Variants in LTBP1 observed in about 807,000 individuals in gnomAD.
The protein encoded by LTBP1 is latent transforming growth factor beta binding protein 1.
A neutral mutation model predicts 207.6 loss-of-function variants in LTBP1; 129 were observed. The ratio of observed to expected loss-of-function variants is 0.62; its 90% CI spans 0.54 to 0.72. LTBP1 has a LOEUF of 0.72. Among genes scored for constraint, LTBP1 ranks in the 30% least tolerant of loss-of-function variants. The probability of loss-of-function intolerance (pLI) is 0.00; values close to 1 mark genes in which losing one functional copy is unlikely to be tolerated. For missense variants in LTBP1, 2,281 were observed against 2,217.2 expected (o/e 1.03, Z -0.58); for synonymous variants, 963 against 833.7 (o/e 1.16, Z -2.67).
chr2:33,075,242 AAAT>A (rs1485439187), intron 3 of LTBP1, among the ~76,000 whole-genome samples: 1 of 152,206 alleles, frequency 6.6e-6, no homozygotes, highest in African/African-American at 2.4e-5. Context: ...TGTCAAGGAA[AAAT>A]TAGCTTTGAT....
chr2:33,352,970 C>CTTTTTTT (rs61357622), intron 26 of LTBP1, among the ~76,000 whole-genome samples: 6 of 93,216 alleles, frequency 6.4e-5, no homozygotes, highest in African/African-American at 1.4e-4. Flanking sequence ...GTAAGCCTTT[C>CTTTTTTT]TTTTTTTTTT....
chr2:33,146,197 G>C (rs373089275), intron 5 of LTBP1, among the ~76,000 whole-genome samples: 86 of 152,310 alleles, frequency 5.6e-4, no homozygotes, highest in African/African-American at 2.0e-3. Context: ...CTGCTGCAGT[G>C]GTGGCTGAGT....
intron 19 of LTBP1, among the ~76,000 whole-genome samples, chr2:33,282,638 G>C (rs1415215429): frequency 6.6e-6 from 1 of 152,140 alleles, no homozygotes; most frequent in Admixed American, 6.6e-5. Flanking sequence ...CCTTTCAGAA[G>C]GTGCAGTCTT....
chr2:33,063,404 C>T (rs2077358309), intron 3 of LTBP1, among the ~76,000 whole-genome samples: 1 of 152,106 alleles, frequency 6.6e-6, no homozygotes, highest in Non-Finnish European at 1.5e-5. Context: ...AATGCAGAAG[C>T]AGATAGGCAA....
intron 29 of LTBP1, 55 bp from the exon 30 acceptor site, chr2:33,364,161 A>T (rs746090824): frequency 1.7e-5 from 27 of 1,569,324 alleles, no homozygotes; most frequent in Non-Finnish European, 2.3e-5. Flanking sequence ...TGGGAAGTGT[A>T]TGAGGTACAA....
chr2:33,012,859 T>G (rs17569615), intron 2 of LTBP1, among the ~76,000 whole-genome samples: 6,805 of 152,352 alleles, frequency 0.045, 515 homozygotes, highest in East Asian at 0.28. Flanking sequence ...ATCATACATA[T>G]ATACTAGCAT....
At chr2:33,252,619 G>T in intron 10 of LTBP1, 58 bp from the exon 11 acceptor site, 1 of 1,480,686 alleles carries the variant, frequency 6.8e-7, no homozygotes, top group Non-Finnish European at 9.2e-7. Flanking sequence ...CTATCATTTG[G>T]AAAGCCAATG....
chr2:32,984,839 G>A (rs962368246), intron 2 of LTBP1, among the ~76,000 whole-genome samples: 6 of 152,166 alleles, frequency 3.9e-5, no homozygotes, highest in Non-Finnish European at 8.8e-5. Context: ...GCTGAGGCAG[G>A]AGAATCGCTT....
At chr2:33,391,613 A>C (rs1192717090) in intron 32 of LTBP1, among the ~76,000 whole-genome samples, 1 of 152,112 alleles carries the variant, frequency 6.6e-6, no homozygotes, top group Admixed American at 6.5e-5. Flanking sequence ...AGAGCCTGGG[A>C]TTATGAAAAG....
intron 3 of LTBP1, among the ~76,000 whole-genome samples, chr2:33,025,477 A>T (rs1402743152): frequency 6.6e-6 from 1 of 152,230 alleles, no homozygotes; most frequent in Non-Finnish European, 1.5e-5. Flanking sequence ...CTCGTAGCTT[A>T]AACAAGGCTT....
At chr2:33,145,461 C>T (rs2082951334) in intron 5 of LTBP1, among the ~76,000 whole-genome samples, 1 of 152,312 alleles carries the variant, frequency 6.6e-6, no homozygotes, top group Non-Finnish European at 1.5e-5. Context: ...TTAGAGTTTA[C>T]TACAGTGAGG....
intron 7 of LTBP1, among the ~76,000 whole-genome samples, chr2:33,199,919 G>A (rs2089018303): frequency 6.6e-6 from 1 of 152,106 alleles, no homozygotes; most frequent in African/African-American, 2.4e-5. Context: ...AACTTACAAA[G>A]GATGTGAAGG....
intron 2 of LTBP1, among the ~76,000 whole-genome samples, chr2:33,007,227 C>T (rs896851813): frequency 2.6e-5 from 4 of 152,264 alleles, no homozygotes; most frequent in East Asian, 1.9e-4. Flanking sequence ...GTGATCCGCC[C>T]GCCTCGGCTT....
chr2:33,308,470 C>T (rs1409568477), intron 22 of LTBP1, among the ~76,000 whole-genome samples: 1 of 152,184 alleles, frequency 6.6e-6, no homozygotes. Context: ...AGTCCCTCTT[C>T]TTCCGACTCC....
intron 5 of LTBP1, among the ~76,000 whole-genome samples, chr2:33,157,758 G>A (rs1276646038): frequency 2.6e-5 from 4 of 152,176 alleles, no homozygotes; most frequent in Non-Finnish European, 2.9e-5. Flanking sequence ...TGAAAAGCCA[G>A]TATCTTTTTC....
At position 33,214,518 on chromosome 2, in the gene LTBP1, C is replaced by T. The variant is rs1345876906; in HGVS notation, c.1702-3034C>T. ...CCTACCCACCTACCACTTTATCACT[C>T]TTTTTTTGGTCCAGTCTTCCCCCGT... On this transcript the variant is annotated intron_variant, in intron 7 of 33. Coordinates refer to ENST00000404816, the MANE Select transcript of LTBP1 (RefSeq NM_206943.4). Among the ~76,000 whole-genome samples the T allele has an allele frequency of 5.3e-5, 8 of 152,268 alleles. No homozygotes were observed. The East Asian group carries it at 1.5e-3, about 29-fold the overall frequency.
At chr2:33,191,968 G>A (rs951981418) in intron 7 of LTBP1, among the ~76,000 whole-genome samples, 1 of 152,176 alleles carries the variant, frequency 6.6e-6, no homozygotes, top group Non-Finnish European at 1.5e-5. Context: ...TGTGATCAAC[G>A]TATTTAAATT....
In LTBP1 at chr2:33,398,961, T is replaced by G. The variant is rs1475041713; in HGVS notation, c.*416T>G. 6.5e-6 allele frequency: 1 copy of G among 153,184 alleles called. No homozygotes were observed. The highest frequency in any genetic ancestry group is 2.4e-5 in the African/African-American group (1 of 41,464). 9.5% of individuals were successfully genotyped at this position (153,184 alleles called of 1,614,324 possible). On this transcript the variant is annotated 3_prime_UTR_variant, in exon 34 of 34. Transcript: ENST00000404816. ...GGCTACTGTTTTTCTTTTACTTCAGTTTTTTAAAAATCTCAAATGAAAAAG... is the reference window on the plus strand; with the variant it reads ...GGCTACTGTTTTTCTTTTACTTCAGGTTTTTAAAAATCTCAAATGAAAAAG...
chr2:33,388,872 C>T (rs746133586), intron 31 of LTBP1, among the ~76,000 whole-genome samples: 7 of 152,168 alleles, frequency 4.6e-5, no homozygotes, highest in Non-Finnish European at 8.8e-5. Flanking sequence ...TTCCAAAAGG[C>T]CTGAAGCACT....
Sources: gnomAD v4.1 joint callset for allele counts (sites outside exome capture counted in the v4.1 genomes callset) on GRCh38, gnomAD v4.1.1 for gene constraint, MANE v1.5 for transcripts, NCBI Gene and HGNC (gene_info 2026-07-23, HGNC 2026-07-21) for gene names.